DMTF1: variants seen among roughly 807,000 people sequenced by gnomAD.
DMTF1 encodes the protein cyclin D binding myb like transcription factor 1.
DMTF1 carries 39 observed loss-of-function variants against 91.1 expected under a neutral mutation model. The ratio of observed to expected loss-of-function variants is 0.43; its 90% confidence interval spans 0.33 to 0.56. The LOEUF (loss-of-function observed/expected upper bound fraction) is 0.56. Ranked by LOEUF, DMTF1 falls within the 20% of genes least tolerant of loss-of-function variation. DMTF1 has a pLI of 0.05. For synonymous variants in DMTF1, 338 were observed against 309.5 expected (o/e 1.09, Z -0.97); for missense variants, 750 against 914.5 (o/e 0.82, Z 2.32).
At chr7:87,173,393 CTA>C in intron 5 of DMTF1, 140 bp from the exon 6 acceptor site, 1 of 440,454 alleles carries the variant, frequency 2.3e-6, no homozygotes, top group Non-Finnish European at 4.0e-6. Context: ...TTTACTATAT[CTA>C]AAACAAGTGA....
At chr7:87,170,436 C>G (rs1794806375) in intron 4 of DMTF1, among the ~76,000 whole-genome samples, 1 of 152,208 alleles carries the variant, frequency 6.6e-6, no homozygotes, top group South Asian at 2.1e-4. Flanking sequence ...TACACAATCT[C>G]CTACTGTTCT....
intron 13 of DMTF1, 109 bp downstream of exon 13, chr7:87,188,410 G>A: frequency 1.8e-6 from 2 of 1,104,378 alleles, no homozygotes. Flanking sequence ...ACCCAAGTCG[G>A]TGAACTGAAG....
In DMTF1 at chr7:87,184,424, G is replaced by A. The variant is rs1397624462; in HGVS notation, c.848G>A (p.Arg283Lys). 4 of 1,613,734 alleles carry A rather than the reference G, an allele frequency of 2.5e-6. No individual in the cohort carries two copies. Among genetic ancestry groups the A allele is most frequent in the African/African-American group, 2.7e-5 (2 of 74,922 alleles). Residue 283 changes from arginine to lysine, a missense_variant, in exon 11 of 18, where the codon AGA (arginine) becomes AAA (lysine). By Grantham distance (26) the Arg-to-Lys change is conservative (BLOSUM62 2). Transcript: ENST00000331242. ...TGKWTEEEEK[R>K]LAEVVHELTS... ...AAGTGGACAGAAGAAGAAGAAAAGAGACTTGCAGAAGTGGTTCATGAGTTG... is the reference window on the plus strand; with the variant it reads ...AAGTGGACAGAAGAAGAAGAAAAGAAACTTGCAGAAGTGGTTCATGAGTTG...
At chr7:87,155,415 C>G (rs948242895) in intron 1 of DMTF1, 1 of 151,876 alleles carries the variant, frequency 6.6e-6, no homozygotes, top group Non-Finnish European at 1.5e-5. Flanking sequence ...GAAAGGATTT[C>G]CTAGGAATTG....
At chr7:87,171,385 A>C (rs74574229) in intron 5 of DMTF1, among the ~76,000 whole-genome samples, 6,971 of 152,308 alleles carry the variant, frequency 0.046, 230 homozygotes, top group Non-Finnish European at 0.066. Context: ...CTTTAGACAC[A>C]AAATGGACAA....
In DMTF1 at chr7:87,177,345, T is replaced by A. The variant is rs182842173; in HGVS notation, c.520-2200T>A. Among the ~76,000 whole-genome samples, 18 of 152,294 alleles carry A rather than the reference T, an allele frequency of 1.2e-4. No homozygotes were observed. The East Asian group carries it at 3.5e-3, about 29-fold the overall frequency. ...GTACCAATCTAGTGGGTGTTAATTA[T>A]GGTTTTAATTTATTTCTCTGATAAC... On this transcript the variant is annotated intron_variant, in intron 7 of 17. Coordinates refer to ENST00000331242, the MANE Select transcript of DMTF1 (RefSeq NM_001142327.2).
chr7:87,188,428 A>G, intron 13 of DMTF1, 127 bp downstream of exon 13: 1 of 953,396 alleles, frequency 1.0e-6, no homozygotes, highest in Non-Finnish European at 1.6e-6. Flanking sequence ...AAGGACATCT[A>G]AGATATTTTG....
chr7:87,172,321 T>C (rs1795257276), intron 5 of DMTF1, among the ~76,000 whole-genome samples: 2 of 152,216 alleles, frequency 1.3e-5, no homozygotes, highest in African/African-American at 4.8e-5. Flanking sequence ...CTATAAAACT[T>C]ATTCACACTT....
At chr7:87,180,740 G>A (rs1797147927) in intron 8 of DMTF1, among the ~76,000 whole-genome samples, 1 of 150,800 alleles carries the variant, frequency 6.6e-6, no homozygotes, top group South Asian at 2.1e-4. Context: ...AGGAGCAAAT[G>A]TATGTTTTAA....
intron 4 of DMTF1, 33 bp downstream of exon 4, chr7:87,166,638 C>A: frequency 6.2e-7 from 1 of 1,600,232 alleles, no homozygotes; most frequent in South Asian, 1.1e-5. Context: ...CCATAGAGTT[C>A]CCTTTTAAAA....
chr7:87,190,510 G>A (rs944101919), intron 13 of DMTF1, among the ~76,000 whole-genome samples: 2 of 151,928 alleles, frequency 1.3e-5, no homozygotes, highest in Admixed American at 6.6e-5. Context: ...ACTTCCTACC[G>A]TTAGAAACAT....
At chr7:87,155,821 A>G (rs1175776373) in intron 1 of DMTF1, among the ~76,000 whole-genome samples, 1 of 151,138 alleles carries the variant, frequency 6.6e-6, no homozygotes, top group Non-Finnish European at 1.5e-5. Flanking sequence ...AGAAAAGCAC[A>G]CTGGAGAGCT....
Position 87,191,043 on chromosome 7 carries a change from T to C in DMTF1, c.1494+16T>C. 6.6e-7 allele frequency: 1 copy of C among 1,513,676 alleles called. No individual in the cohort carries two copies. The highest frequency in any genetic ancestry group is 1.2e-5 in the South Asian group (1 of 85,730). The allele number at this position is 1,513,676 out of a possible 1,614,324, so 93.8% of individuals were successfully genotyped here. On this transcript the variant is annotated intron_variant, in intron 14 of 17. Coordinates refer to ENST00000331242, the MANE Select transcript of DMTF1 (RefSeq NM_001142327.2). ...GATTCTTCCCGTGAGTAACGCTTCA[T>C]ATATATTGGCCATTTTTATGCATGA...
At chr7:87,176,292 A>C (rs1478450355) in intron 7 of DMTF1, among the ~76,000 whole-genome samples, 1 of 152,246 alleles carries the variant, frequency 6.6e-6, no homozygotes, top group Non-Finnish European at 1.5e-5. Context: ...TACAGTGGCC[A>C]TTGAAAATGA....
rs778486847 is a variant in DMTF1, at chr7:87,195,184, G to A, written c.*44G>A. On this transcript the variant is annotated 3_prime_UTR_variant, in exon 18 of 18. Coordinates refer to ENST00000331242, the MANE Select transcript of DMTF1 (RefSeq NM_001142327.2). Reference sequence around the variant, plus strand: ...GCAGTTCAAGCAAAGAAGGCACACTGTTAATTACAACCTCTTCAAAGAAAT... The same window carrying A: ...GCAGTTCAAGCAAAGAAGGCACACTATTAATTACAACCTCTTCAAAGAAAT... 2.3e-5 allele frequency: 31 copies of A among 1,369,994 alleles called. No individual in the cohort carries two copies. The highest frequency in any genetic ancestry group is 2.9e-5 in the Non-Finnish European group (28 of 964,656). The allele number at this position is 1,369,994 out of a possible 1,614,324, so 84.9% of individuals were successfully genotyped here.
At position 87,184,810 on chromosome 7, in the gene DMTF1, T is replaced by C. The variant is rs891338610; in HGVS notation, c.1049+185T>C. ...TTTTTTGTGTTGTGTTTGTTCCTTT[T>C]TTTTTTTAGTGGGTTTAGTGCTCAT... On this transcript the variant is annotated intron_variant, in intron 11 of 17. Coordinates refer to ENST00000331242, the MANE Select transcript of DMTF1 (RefSeq NM_001142327.2). 7.1e-6 allele frequency: 5 copies of C among 701,476 alleles called. No homozygotes were observed. In the South Asian group the frequency reaches 7.5e-5, roughly 10 times the overall value. 43.5% of individuals were successfully genotyped at this position (701,476 alleles called of 1,614,324 possible).
chr7:87,185,808 A>T (rs1373253465), intron 11 of DMTF1, 21 bp from the exon 12 acceptor site: 4 of 1,613,354 alleles, frequency 2.5e-6, no homozygotes, highest in African/African-American at 1.3e-5. Context: ...ATGTCTAACG[A>T]TGCTTATTTT....
intron 4 of DMTF1, among the ~76,000 whole-genome samples, chr7:87,170,664 C>T (rs1794861057): frequency 1.3e-5 from 2 of 152,204 alleles, no homozygotes; most frequent in African/African-American, 4.8e-5. Context: ...AACACATTCC[C>T]TTTCCTGTTA....
intron 5 of DMTF1, among the ~76,000 whole-genome samples, chr7:87,172,988 G>A (rs553405966): frequency 1.3e-5 from 2 of 152,224 alleles, no homozygotes; most frequent in Middle Eastern, 3.4e-3. Flanking sequence ...AACAATAAGC[G>A]GACAGTGATT....
Sources: gnomAD v4.1 joint callset for allele counts (sites outside exome capture counted in the v4.1 genomes callset) on GRCh38, gnomAD v4.1.1 for gene constraint, MANE v1.5 for transcripts, NCBI Gene and HGNC (gene_info 2026-07-23, HGNC 2026-07-21) for gene names.